MAPK10: variants seen among roughly 807,000 people sequenced by gnomAD.
MAPK10 encodes mitogen-activated protein kinase 10.
A neutral mutation model predicts 59.3 loss-of-function variants in MAPK10; 25 were observed. The observed-to-expected ratio is 0.42, with a 90% CI of 0.31 to 0.59. MAPK10 has a LOEUF of 0.59. MAPK10 is among the 20% of genes least tolerant of loss of function. The pLI is 0.15. For missense variants in MAPK10, 351 were observed against 568.9 expected, an observed-to-expected ratio of 0.62 and a Z score of 3.90; for synonymous variants, 190 against 200.5, an observed-to-expected ratio of 0.95 and a Z score of 0.44.
chr4:86,239,890 C>T (rs967566813), intron 2 of MAPK10, among the ~76,000 whole-genome samples: 1 of 151,592 alleles, frequency 6.6e-6, no homozygotes, highest in Admixed American at 6.6e-5. Context: ...TTGTCTTCCA[C>T]TAGCTGTTGG....
intron 11 of MAPK10, among the ~76,000 whole-genome samples, chr4:86,041,664 T>G (rs1434148594): frequency 6.6e-6 from 1 of 152,104 alleles, no homozygotes; most frequent in Non-Finnish European, 1.5e-5. Flanking sequence ...GCGAAGGACA[T>G]GAACAGACAC....
intron 2 of MAPK10, chr4:86,308,581 G>A (rs2095611923): frequency 6.6e-6 from 1 of 152,138 alleles, no homozygotes; most frequent in Admixed American, 6.6e-5. Context: ...GTGAGAATGT[G>A]TTTCATGACA....
At chr4:86,216,821 T>C (rs2087797278) in intron 2 of MAPK10, among the ~76,000 whole-genome samples, 1 of 152,072 alleles carries the variant, frequency 6.6e-6, no homozygotes, top group Non-Finnish European at 1.5e-5. Flanking sequence ...ACAAATATAG[T>C]TACAAATATA....
intron 1 of MAPK10, among the ~76,000 whole-genome samples, chr4:86,487,915 G>C (rs1463776418): frequency 6.6e-6 from 1 of 151,982 alleles, no homozygotes; most frequent in African/African-American, 2.4e-5. Flanking sequence ...TTGATGTTAA[G>C]GTAGATTGCA....
At chr4:86,031,673 C>T (rs918346980) in intron 11 of MAPK10, 9 of 418,890 alleles carry the variant, frequency 2.1e-5, no homozygotes, top group Middle Eastern at 6.4e-4. Context: ...ACGCAAATCC[C>T]GAGAGCTCAC....
At position 86,255,019 on chromosome 4, in the gene MAPK10, C is replaced by G. The variant is rs375001392; in HGVS notation, c.-6-60612G>C. On this transcript the variant is annotated intron_variant, in intron 2 of 13. Coordinates refer to ENST00000641462, the MANE Select transcript of MAPK10 (RefSeq NM_138982.4). ...CACCAAGGTAACTAATCTGCTGAAT[C>G]AGAGTAACATATCCTTGGGATTCTA... is the stretch of plus-strand genomic sequence containing the variant. 2.4e-4 allele frequency among the ~76,000 whole-genome samples: 36 copies of G among 151,754 alleles called. No individual in the cohort carries two copies. In the Middle Eastern group the frequency reaches 0.01, roughly 43 times the overall value.
chr4:86,236,551 G>A (rs1007454934), intron 2 of MAPK10, among the ~76,000 whole-genome samples: 1 of 152,206 alleles, frequency 6.6e-6, no homozygotes, highest in African/African-American at 2.4e-5. Context: ...GTCTTAAGAA[G>A]AGTGATATGA....
chr4:86,509,499 G>C (rs886537050), intron 1 of MAPK10, among the ~76,000 whole-genome samples: 2 of 150,674 alleles, frequency 1.3e-5, no homozygotes, highest in Non-Finnish European at 3.0e-5. Flanking sequence ...CTGCCAAAAT[G>C]CTTCCCTGTC....
upstream of MAPK10, among the ~76,000 whole-genome samples, chr4:86,455,994 T>A (rs1751193705): frequency 6.6e-6 from 1 of 152,046 alleles, no homozygotes; most frequent in Non-Finnish European, 1.5e-5. Context: ...GGAAATCAAC[T>A]CCAAAAGGAA....
At chr4:86,214,931 G>A (rs767411409) in intron 2 of MAPK10, among the ~76,000 whole-genome samples, 2 of 151,994 alleles carry the variant, frequency 1.3e-5, no homozygotes, top group Non-Finnish European at 2.9e-5. Flanking sequence ...TTCATATGAA[G>A]TCTCAAGGAG....
chr4:86,504,733 G>A (rs1349400837), intron 1 of MAPK10, among the ~76,000 whole-genome samples: 1 of 151,854 alleles, frequency 6.6e-6, no homozygotes, highest in Admixed American at 6.6e-5. Context: ...TTGATTTACT[G>A]TTTCAAATTC....
At chr4:86,116,592 T>G (rs559213319) in intron 4 of MAPK10, among the ~76,000 whole-genome samples, 34 of 152,238 alleles carry the variant, frequency 2.2e-4, no homozygotes, top group Middle Eastern at 3.4e-3. Context: ...ACTGAGAAAA[T>G]CCCACCCTGT....
At position 86,134,161 on chromosome 4, in the gene MAPK10, A is replaced by C. The variant is rs368213069; in HGVS notation, c.236+25137T>G. 5.7e-4 allele frequency among the ~76,000 whole-genome samples: 87 copies of C among 152,290 alleles called. No homozygotes were observed. In the Middle Eastern group the frequency reaches 0.01, roughly 18 times the overall value. On this transcript the variant is annotated intron_variant, in intron 4 of 13. Transcript: ENST00000641462. ...AATTCTGTGAATGTGCTCTGGAGTC[A>C]AGCTGAGTAAGTCTACACATTTATT...
At chr4:86,317,084 C>T (rs1230115074) in intron 2 of MAPK10, among the ~76,000 whole-genome samples, 1 of 152,106 alleles carries the variant, frequency 6.6e-6, no homozygotes, top group African/African-American at 2.4e-5. Context: ...ACTGGCACAT[C>T]CAAAAGAGGT....
At chr4:86,167,901 T>C (rs774380902) in intron 3 of MAPK10, among the ~76,000 whole-genome samples, 1 of 152,102 alleles carries the variant, frequency 6.6e-6, no homozygotes. Context: ...GAGAAAGAAA[T>C]AAAGGGTATT....
chr4:86,419,878 G>GAAGTAAGAACGC (rs1199968308), intron 1 of MAPK10, among the ~76,000 whole-genome samples: 1 of 152,056 alleles, frequency 6.6e-6, no homozygotes, highest in African/African-American at 2.4e-5. Flanking sequence ...GAAAATAAAA[G>GAAGTAAGAACGC]AAGTAAGAAC....
chr4:86,335,729 A>G (rs1309572943), intron 2 of MAPK10, among the ~76,000 whole-genome samples: 1 of 152,194 alleles, frequency 6.6e-6, no homozygotes, highest in Non-Finnish European at 1.5e-5. Context: ...ACTTACAATC[A>G]TGGCAGAAGG....
In MAPK10 at chr4:86,427,090, A is replaced by C. The variant is rs190802452; in HGVS notation, c.-122+25940T>G. Among the ~76,000 whole-genome samples, 502 of 152,028 alleles carry C rather than the reference A, an allele frequency of 3.3e-3. 1 individual carries two copies. Among genetic ancestry groups the C allele is most frequent in the African/African-American group, 0.012 (485 of 41,482 alleles). ...GGTTAACGCGGTGAAACCCGTCTCT[A>C]CTAAAAATACAAAAAAATTAGCCGG... On this transcript the variant is annotated intron_variant, in intron 1 of 13. Transcript: ENST00000361569.
chr4:86,315,541 C>CA, intron 2 of MAPK10, among the ~76,000 whole-genome samples: 1 of 151,654 alleles, frequency 6.6e-6, no homozygotes, highest in Admixed American at 6.6e-5. Context: ...TATGTACCTA[C>CA]AAAAAAATTA....
Sources: allele counts gnomAD v4.1 joint callset (sites outside exome capture counted in the v4.1 genomes callset), GRCh38; gene constraint gnomAD v4.1.1; transcripts MANE v1.5; gene names NCBI Gene and HGNC (gene_info 2026-07-23, HGNC 2026-07-21).